HMCN2: variants seen among roughly 807,000 people sequenced by gnomAD.
The protein encoded by HMCN2 is hemicentin 2, also known as hemicentin-2.
A neutral mutation model predicts 377.5 loss-of-function variants in HMCN2; 325 were observed. The observed-to-expected ratio is 0.86, with a 90% CI of 0.79 to 0.94. The LOEUF (loss-of-function observed/expected upper bound fraction) is 0.94. HMCN2 is among the 40% of genes least tolerant of loss of function. HMCN2 has a pLI of 0.00. For missense variants in HMCN2, 4,543 were observed against 4,725.3 expected (o/e 0.96, Z 1.13); for synonymous variants, 2,007 against 2,046.8 (o/e 0.98, Z 0.53).
At chr9:130,307,829 TG>T (rs1242425915) in intron 14 of HMCN2, among the ~76,000 whole-genome samples, 2 of 152,230 alleles carry the variant, frequency 1.3e-5, no homozygotes, top group Non-Finnish European at 2.9e-5. Flanking sequence ...TGGGTGACCC[TG>T]GGCACGTGAC....
intron 83 of HMCN2, 44 bp downstream of exon 83, chr9:130,407,749 T>C: frequency 3.4e-6 from 4 of 1,172,210 alleles, no homozygotes; most frequent in Non-Finnish European, 4.3e-6. Flanking sequence ...AGACCTCCAG[T>C]CTATTGGGAC....
At chr9:130,392,436 G>A (rs1842366431) in intron 66 of HMCN2, among the ~76,000 whole-genome samples, 1 of 152,198 alleles carries the variant, frequency 6.6e-6, no homozygotes, top group Non-Finnish European at 1.5e-5. Flanking sequence ...CTGGGCAAGA[G>A]CAGCTCAGGA....
intron 19 of HMCN2, among the ~76,000 whole-genome samples, chr9:130,323,782 C>G (rs1448560829): frequency 6.6e-6 from 1 of 151,842 alleles, no homozygotes; most frequent in East Asian, 1.9e-4. Context: ...GGCTCACTGC[C>G]ACCTCCACTT....
At chr9:130,357,182 ATGGATGGG>A (rs1840076894) in intron 34 of HMCN2, among the ~76,000 whole-genome samples, 1 of 130,808 alleles carries the variant, frequency 7.6e-6, no homozygotes, top group Non-Finnish European at 1.6e-5. Context: ...GGGTAAATGG[ATGGATGGG>A]TGGATGGATG....
rs1839992520 is a variant in HMCN2 at position 130,355,782 on chromosome 9, A to T, written c.5183A>T (p.Gln1728Leu). ...CTCCTGGTGGCTGAAGGCTTGGGAC[A>T]GGTGACCACCATCGTGGGACAGCCC... ...PQLLVAEGLG[Q>L]VTTIVGQPLE... Residue 1728 changes from glutamine to leucine, a missense_variant, in exon 33 of 98, where the codon CAG becomes CTG. Coordinates refer to ENST00000683500, the MANE Select transcript of HMCN2 (RefSeq NM_001291815.2). 3.1e-6 allele frequency: 4 copies of T among 1,303,638 alleles called. No homozygotes were observed. The allele number at this position is 1,303,638 out of a possible 1,614,324, so 80.8% of individuals were successfully genotyped here.
intron 4 of HMCN2, among the ~76,000 whole-genome samples, chr9:130,290,785 C>G (rs1252954024): frequency 6.7e-6 from 1 of 148,784 alleles, no homozygotes; most frequent in Non-Finnish European, 1.5e-5. Flanking sequence ...GATGCATTTT[C>G]AGAATACAGA....
intron 15 of HMCN2, among the ~76,000 whole-genome samples, chr9:130,311,332 TG>T (rs74212713): frequency 2.0e-5 from 3 of 152,230 alleles, no homozygotes; most frequent in East Asian, 1.9e-4. Context: ...GGGTCTGGCC[TG>T]GGGGGGTTGT....
chr9:130,318,462 C>G (rs1374194043), intron 15 of HMCN2, among the ~76,000 whole-genome samples: 1 of 152,174 alleles, frequency 6.6e-6, no homozygotes, highest in African/African-American at 2.4e-5. Flanking sequence ...TGGCTCCTGG[C>G]CTGCTGAAGG....
chr9:130,355,919 G>A lies in HMCN2; in HGVS notation c.5255+65G>A, dbSNP rs535260200. 36 of 1,050,696 alleles carry A rather than the reference G, an allele frequency of 3.4e-5. No homozygotes were observed. In the South Asian group the frequency reaches 3.9e-4, roughly 11 times the overall value. 65.1% of individuals were successfully genotyped at this position (1,050,696 alleles called of 1,614,324 possible). A position where few individuals can be genotyped will look rare whatever the true frequency, so the allele number is the denominator to read the frequency against. The stretch of plus-strand genomic sequence containing the variant: ...AGAGAGCGTGTGCTTTGCGGATTGT[G>A]GGGGGAAGTGGACAGGAGAGAGGCT... On this transcript the variant is annotated intron_variant, in intron 33 of 97. Coordinates refer to ENST00000683500, the MANE Select transcript of HMCN2 (RefSeq NM_001291815.2).
chr9:130,395,354 G>T lies in HMCN2; in HGVS notation c.10911+7G>T, dbSNP rs751168354. The T allele has an allele frequency of 7.0e-6, 9 of 1,283,668 alleles. No individual in the cohort carries two copies. The highest frequency in any genetic ancestry group is 1.1e-4 in the East Asian group (2 of 17,990). 79.5% of individuals were successfully genotyped at this position (1,283,668 alleles called of 1,614,324 possible). ...AGACGGCATTGTGCTGCAGGTGGGC[G>T]CCAGGCAGGGCCCCAGGGTGCTGCC... On this transcript the variant is annotated splice_region_variant and intron_variant, in intron 71 of 97. Coordinates refer to ENST00000683500, the MANE Select transcript of HMCN2 (RefSeq NM_001291815.2).
chr9:130,370,873 G>T (rs1330043938), intron 45 of HMCN2, 91 bp from the exon 46 acceptor site: 1 of 776,210 alleles, frequency 1.3e-6, no homozygotes, highest in African/African-American at 1.9e-5. Context: ...CAATTGGGTG[G>T]AGTTGGGGGG....
intron 22 of HMCN2, among the ~76,000 whole-genome samples, chr9:130,337,111 A>T (rs1369083246): frequency 6.6e-6 from 1 of 152,098 alleles, no homozygotes; most frequent in Non-Finnish European, 1.5e-5. Flanking sequence ...TGGAGGCAGG[A>T]GCTGTGCGGA....
At position 130,430,424 on chromosome 9, in the gene HMCN2, C is replaced by T; in HGVS notation, c.14467C>T (p.Gln4823Ter). 1.9e-6 allele frequency: 3 copies of T among 1,550,506 alleles called. No homozygotes were observed. The highest frequency in any genetic ancestry group is 2.6e-6 in the Non-Finnish European group (3 of 1,146,972). The change falls in exon 95 of 98, where the codon CAA (glutamine) becomes TAA (stop). Residue 4823 changes from glutamine (Q) to a stop codon, truncating the protein, a stop_gained. Coordinates refer to ENST00000683500, the MANE Select transcript of HMCN2 (RefSeq NM_001291815.2). LOFTEE classifies it high-confidence loss of function. ...CTGCACCTCACTGGAGCGGAATGGA[C>T]AAAATGTGACCACCGTCAGCCACCG... ...KACTSLERNG[Q>*]NVTTVSHRGP...
intron 85 of HMCN2, among the ~76,000 whole-genome samples, chr9:130,417,885 C>CGT (rs1843781878): frequency 6.6e-6 from 1 of 152,218 alleles, no homozygotes; most frequent in Non-Finnish European, 1.5e-5. Context: ...TCAGTGTGTG[C>CGT]GAGTTCTGCT....
intron 28 of HMCN2, 121 bp downstream of exon 28, chr9:130,349,252 C>T: frequency 1.0e-6 from 1 of 1,003,630 alleles, no homozygotes; most frequent in Non-Finnish European, 1.3e-6. Context: ...ACAGAGGGAC[C>T]CATGACAGAC....
chr9:130,350,388 C>CAA (rs1187309511), intron 29 of HMCN2, among the ~76,000 whole-genome samples: 2,694 of 89,670 alleles, frequency 0.03, 150 homozygotes, highest in Middle Eastern at 0.072. Flanking sequence ...CAAAAAAATA[C>CAA]AAAAAAAAAA....
chr9:130,395,068 T>C lies in HMCN2; in HGVS notation c.10734T>C (p.Pro3578=). The C allele has an allele frequency of 7.9e-7, 1 of 1,266,048 alleles. No individual in the cohort carries two copies. Among genetic ancestry groups the C allele is most frequent in the Non-Finnish European group, 1.0e-6 (1 of 985,354 alleles). The allele number at this position is 1,266,048 out of a possible 1,614,324, so 78.4% of individuals were successfully genotyped here. Residue 3578 remains proline (P), a synonymous_variant, in exon 70 of 98, where the codon CCT becomes CCC. Coordinates refer to ENST00000683500, the MANE Select transcript of HMCN2 (RefSeq NM_001291815.2). ...TGTACACTTGTCTGGCTGAAAGCCC[T>C]GCAGGTGCAATTGAGAAGAGCTTCC... ...AGLYTCLAES[P]AGAIEKSFRV...
rs997990752 is a variant in HMCN2 at position 130,356,370 on chromosome 9, C to T, written c.5425+113C>T. 9 of 1,061,086 alleles carry T rather than the reference C, an allele frequency of 8.5e-6. No homozygotes were observed. In the African/African-American group the frequency reaches 1.2e-4, roughly 14 times the overall value. The allele number at this position is 1,061,086 out of a possible 1,614,324, so 65.7% of individuals were successfully genotyped here. On this transcript the variant is annotated intron_variant, in intron 34 of 97. Coordinates refer to ENST00000683500, the MANE Select transcript of HMCN2 (RefSeq NM_001291815.2). ...CACGGGGCTGGTCTTTGCTGGATGGCGTTTCTGGGCTGGACTTCCCAGTTC... is the reference window on the plus strand; with the variant it reads ...CACGGGGCTGGTCTTTGCTGGATGGTGTTTCTGGGCTGGACTTCCCAGTTC...
At chr9:130,372,436 C>T (rs12682695) in intron 47 of HMCN2, 29 bp downstream of exon 47, 421,662 of 891,482 alleles carry the variant, frequency 0.47, 103,338 homozygotes, top group East Asian at 0.57. Flanking sequence ...CTCATGGGTG[C>T]CCTATGAACT....
Sources: allele counts gnomAD v4.1 joint callset (sites outside exome capture counted in the v4.1 genomes callset), GRCh38; gene constraint gnomAD v4.1.1; transcripts MANE v1.5; gene names NCBI Gene and HGNC (gene_info 2026-07-23, HGNC 2026-07-21).